Variants in OR51T1 observed in about 807,000 individuals in gnomAD.
OR51T1 encodes the protein olfactory receptor family 51 subfamily T member 1, also known as olfactory receptor 51T1.
For synonymous variants in OR51T1, 188 were observed against 152.6 expected (o/e 1.23, Z -1.71); for missense variants, 439 against 398.5 (o/e 1.10, Z -0.87).
chr11:4,882,322 G>A lies in OR51T1; in HGVS notation c.423G>A (p.Arg141=). The A allele has an allele frequency of 6.2e-7, 1 of 1,613,940 alleles. No homozygotes were observed. The highest frequency in any genetic ancestry group is 8.5e-7 in the Non-Finnish European group (1 of 1,179,948). Residue 141 remains arginine (R), a synonymous_variant, in exon 1 of 1, where the codon AGG becomes AGA. Coordinates refer to ENST00000322049, the MANE Select transcript of OR51T1 (RefSeq NM_001004759.3). ...PLNYATILTD[R]MVLVIGLVIC... ...ACTATGCTACTATCCTCACAGACAGGATGGTCCTGGTGATAGGGCTGGTCA... is the reference window on the plus strand; with the variant it reads ...ACTATGCTACTATCCTCACAGACAGAATGGTCCTGGTGATAGGGCTGGTCA...
Position 4,882,301 on chromosome 11 carries a change from T to A in OR51T1, c.402T>A (p.Tyr134Ter). ...RFVAICNPLN[Y>*]ATILTDRMVL... Reference sequence around the variant, plus strand: ...TGGCTATCTGTAACCCACTGAACTATGCTACTATCCTCACAGACAGGATGG... The same window carrying A: ...TGGCTATCTGTAACCCACTGAACTAAGCTACTATCCTCACAGACAGGATGG... Residue 134 changes from tyrosine (Y) to a stop codon, truncating the protein, a stop_gained, in exon 1 of 1, where the codon TAT becomes TAA. Transcript: ENST00000322049. LOFTEE classifies it low-confidence loss of function (END_TRUNC). The A allele has an allele frequency of 1.9e-6, 3 of 1,614,014 alleles. No homozygotes were observed. Among genetic ancestry groups the A allele is most frequent in the Non-Finnish European group, 2.5e-6 (3 of 1,179,958 alleles).
Position 4,882,852 on chromosome 11 carries a change from A to G in OR51T1, c.953A>G (p.Asn318Ser), listed in dbSNP as rs77300699. 2.0e-3 allele frequency: 3,292 copies of G among 1,613,580 alleles called. 7 individuals are homozygous for G. Among genetic ancestry groups the G allele is most frequent in the Non-Finnish European group, 2.6e-3 (3,123 of 1,179,732 alleles). ...LLQSKGSWGFNVRGLRGRWD is the reference protein window; with the variant it reads ...LLQSKGSWGFSVRGLRGRWD Reference sequence around the variant, plus strand: ...CAATCCAAGGGTTCATGGGGTTTTAATGTGAGGGGTCTTAGGGGAAGATGG... The same window carrying G: ...CAATCCAAGGGTTCATGGGGTTTTAGTGTGAGGGGTCTTAGGGGAAGATGG... The change falls in exon 1 of 1, where the codon AAT (asparagine) becomes AGT (serine). Residue 318 changes from asparagine (N) to serine (S), a missense_variant. Coordinates refer to ENST00000322049, the MANE Select transcript of OR51T1 (RefSeq NM_001004759.3).
Position 4,881,943 on chromosome 11 carries a change from T to A in OR51T1, c.44T>A (p.Leu15His). The A allele has an allele frequency of 6.2e-7, 1 of 1,613,888 alleles. No homozygotes were observed. The highest frequency in any genetic ancestry group is 8.5e-7 in the Non-Finnish European group (1 of 1,179,862). The change falls in exon 1 of 1, where the codon CTC (leucine) becomes CAC (histidine). Residue 15 changes from leucine (L) to histidine (H), a missense_variant. By Grantham distance (99) the Leu-to-His change is moderately conservative. Transcript: ENST00000322049. ...NNTTSSSSNFLLTAFPGLECA... is the reference protein window; with the variant it reads ...NNTTSSSSNFHLTAFPGLECA... ...ACCACTTCGTCTTCCTCAAACTTCC[T>A]CCTCACTGCATTCCCTGGGCTGGAA...
rs1298095558 is a variant in OR51T1 at position 4,882,327 on chromosome 11, T to G, written c.428T>G (p.Val143Gly). 1.9e-6 allele frequency: 3 copies of G among 1,613,962 alleles called. No individual in the cohort carries two copies. The highest frequency in any genetic ancestry group is 2.5e-6 in the Non-Finnish European group (3 of 1,179,950). The change falls in exon 1 of 1, where the codon GTC (valine) becomes GGC (glycine). Residue 143 changes from valine (V) to glycine (G), a missense_variant. Coordinates refer to ENST00000322049, the MANE Select transcript of OR51T1 (RefSeq NM_001004759.3). ...GCTACTATCCTCACAGACAGGATGGTCCTGGTGATAGGGCTGGTCATCTGC... is the reference window on the plus strand; with the variant it reads ...GCTACTATCCTCACAGACAGGATGGGCCTGGTGATAGGGCTGGTCATCTGC... ...NYATILTDRM[V>G]LVIGLVICIR...
In OR51T1 at chr11:4,882,245, G is replaced by C. The variant is rs1266648976; in HGVS notation, c.346G>C (p.Val116Leu). The C allele has an allele frequency of 3.7e-6, 6 of 1,613,896 alleles. No homozygotes were observed. The East Asian group carries it at 1.3e-4, about 36-fold the overall frequency. Reference sequence around the variant, plus strand: ...TGCTTTCTCCTTGCTGGAGTCCTCGGTGCTGGTAGCCATGGCCTTTGACCG... The same window carrying C: ...TGCTTTCTCCTTGCTGGAGTCCTCGCTGCTGGTAGCCATGGCCTTTGACCG... ...VHAFSLLESS[V>L]LVAMAFDRFV... Residue 116 changes from valine to leucine, a missense_variant, in exon 1 of 1, where the codon GTG becomes CTG. Val to Leu is a conservative substitution (Grantham distance 32). Coordinates refer to ENST00000322049, the MANE Select transcript of OR51T1 (RefSeq NM_001004759.3).
chr11:4,882,032 A>AC lies in OR51T1; in HGVS notation c.133_134insC (p.Ser45ThrfsTer10). 1 of 1,613,890 alleles carries AC rather than the reference A, an allele frequency of 6.2e-7. No individual in the cohort carries two copies. Among genetic ancestry groups the AC allele is most frequent in the Non-Finnish European group, 8.5e-7 (1 of 1,179,888 alleles). On this transcript the variant is annotated frameshift_variant, in exon 1 of 1. Transcript: ENST00000322049. LOFTEE classifies it low-confidence loss of function (END_TRUNC). ...CTACACCATTGCCCTCTTGGGAAACAGTATGATCTTTCTTGTCATCATTAC... is the reference window on the plus strand; with the variant it reads ...CTACACCATTGCCCTCTTGGGAAACACGTATGATCTTTCTTGTCATCATTAC...
rs766155270 is a variant in OR51T1, at chr11:4,882,501, G to T, written c.602G>T (p.Gly201Val). 3 of 1,613,676 alleles carry T rather than the reference G, an allele frequency of 1.9e-6. No individual in the cohort carries two copies. The highest frequency in any genetic ancestry group is 3.3e-5 in the Admixed American group (2 of 59,946). Residue 201 changes from glycine to valine, a missense_variant, in exon 1 of 1, where the codon GGA becomes GTA. Physicochemically the swap from Gly to Val is moderately radical, Grantham distance 109 (BLOSUM62 -3). Coordinates refer to ENST00000322049, the MANE Select transcript of OR51T1 (RefSeq NM_001004759.3). ...YSKPWISSFW[G>V]LFLQLYLNGT... ...AAACCTTGGATCAGCAGTTTTTGGG[G>T]ACTGTTTCTTCAGCTCTACCTGAAT...
Position 4,882,775 on chromosome 11 carries a change from C to G in OR51T1, c.876C>G (p.Ile292Met), listed in dbSNP as rs767652870. 10 of 1,613,788 alleles carry G rather than the reference C, an allele frequency of 6.2e-6. No individual in the cohort carries two copies. The highest frequency in any genetic ancestry group is 7.6e-6 in the Non-Finnish European group (9 of 1,179,892). Residue 292 changes from isoleucine to methionine, a missense_variant, in exon 1 of 1, where the codon ATC (isoleucine) becomes ATG (methionine). Transcript: ENST00000322049. Reference protein sequence around the residue: ...YLLLPPVLNPIIYSLKTKTIR... With the variant: ...YLLLPPVLNPMIYSLKTKTIR... ...TCTTACCACCTGTGCTGAACCCTAT[C>G]ATTTACAGCTTGAAGACCAAGACAA...
rs1224825920 is a variant in OR51T1, at chr11:4,881,992, T to C, written c.93T>C (p.Ile31=). The C allele has an allele frequency of 6.2e-7, 1 of 1,613,904 alleles. No homozygotes were observed. The part of the protein sequence containing the change: ...GLECAHVWIS[I]PVCCLYTIAL... ...AATGTGCTCATGTCTGGATCTCCAT[T>C]CCAGTCTGCTGTCTCTACACCATTG... Residue 31 remains isoleucine, a synonymous_variant, in exon 1 of 1, where the codon ATT becomes ATC. Coordinates refer to ENST00000322049, the MANE Select transcript of OR51T1 (RefSeq NM_001004759.3).
Position 4,882,832 on chromosome 11 carries a change from C to A in OR51T1, c.933C>A (p.Ser311=), listed in dbSNP as rs114936129. ...IRQAMFQLLQ[S]KGSWGFNVRG... ...AGGCTATGTTCCAGCTGCTCCAATC[C>A]AAGGGTTCATGGGGTTTTAATGTGA... The change falls in exon 1 of 1, where the codon TCC becomes TCA. Residue 311 remains serine (S), a synonymous_variant. Coordinates refer to ENST00000322049, the MANE Select transcript of OR51T1 (RefSeq NM_001004759.3). 2 of 1,613,602 alleles carry A rather than the reference C, an allele frequency of 1.2e-6. No homozygotes were observed. Among genetic ancestry groups the A allele is most frequent in the East Asian group, 4.5e-5 (2 of 44,846 alleles).
rs771879980 is a variant in OR51T1 at position 4,881,910 on chromosome 11, T to G, written c.11T>G (p.Phe4Cys). Residue 4 changes from phenylalanine to cysteine, a missense_variant, in exon 1 of 1, where the codon TTC becomes TGC. Transcript: ENST00000322049. MAIFNNTTSSSSNF... is the reference protein window; with the variant it reads MAICNNTTSSSSNF... ...TGTCTTCAACCAACCATGGCAATAT[T>G]CAATAACACCACTTCGTCTTCCTCA... 6.2e-7 allele frequency: 1 copy of G among 1,612,426 alleles called. No individual in the cohort carries two copies. Among genetic ancestry groups the G allele is most frequent in the Non-Finnish European group, 8.5e-7 (1 of 1,178,564 alleles).
In OR51T1 at chr11:4,882,863, C is replaced by T. The variant is rs1289089239; in HGVS notation, c.964C>T (p.Leu322Phe). 1 of 1,612,720 alleles carries T rather than the reference C, an allele frequency of 6.2e-7. No individual in the cohort carries two copies. Among genetic ancestry groups the T allele is most frequent in the Admixed American group, 1.7e-5 (1 of 59,902 alleles). Residue 322 changes from leucine to phenylalanine, a missense_variant, in exon 1 of 1, where the codon CTT (leucine) becomes TTT (phenylalanine). Leu to Phe is a conservative substitution (Grantham distance 22). Coordinates refer to ENST00000322049, the MANE Select transcript of OR51T1 (RefSeq NM_001004759.3). ...KGSWGFNVRGLRGRWD is the reference protein window; with the variant it reads ...KGSWGFNVRGFRGRWD ...TTCATGGGGTTTTAATGTGAGGGGTCTTAGGGGAAGATGGGATTGAAGGTA... is the reference window on the plus strand; with the variant it reads ...TTCATGGGGTTTTAATGTGAGGGGTTTTAGGGGAAGATGGGATTGAAGGTA...
chr11:4,882,742 T>C lies in OR51T1; in HGVS notation c.843T>C (p.Ile281=). Residue 281 remains isoleucine (I), a synonymous_variant, in exon 1 of 1, where the codon ATT becomes ATC. Transcript: ENST00000322049. ...TGCTCTGTAGCACTTTGGCCAATAT[T>C]TATCTGCTCTTACCACCTGTGCTGA... ...PRVLCSTLAN[I]YLLLPPVLNP... is the part of the protein sequence containing the mutation. The C allele has an allele frequency of 6.2e-7, 1 of 1,613,900 alleles. No homozygotes were observed. Among genetic ancestry groups the C allele is most frequent in the Non-Finnish European group, 8.5e-7 (1 of 1,179,908 alleles).
chr11:4,882,070 C>A lies in OR51T1; in HGVS notation c.171C>A (p.Leu57=), dbSNP rs761711404. ...TTGTCATCATTACTAAGCGGAGACTCCACAAACCCATGTATTATTTCCTCT... is the reference window on the plus strand; with the variant it reads ...TTGTCATCATTACTAAGCGGAGACTACACAAACCCATGTATTATTTCCTCT... The part of the protein sequence containing the change: ...IFLVIITKRR[L]HKPMYYFLSM... Residue 57 remains leucine (L), a synonymous_variant, in exon 1 of 1, where the codon CTC becomes CTA. Coordinates refer to ENST00000322049, the MANE Select transcript of OR51T1 (RefSeq NM_001004759.3). The A allele has an allele frequency of 1.9e-6, 3 of 1,613,808 alleles. No homozygotes were observed. The Admixed American group carries it at 5.0e-5, about 27-fold the overall frequency.
Position 4,881,935 on chromosome 11 carries a change from A to C in OR51T1, c.36A>C (p.Ser12=). Residue 12 remains serine (S), a synonymous_variant, in exon 1 of 1, where the codon TCA becomes TCC. Coordinates refer to ENST00000322049, the MANE Select transcript of OR51T1 (RefSeq NM_001004759.3). ...TCAATAACACCACTTCGTCTTCCTC[A>C]AACTTCCTCCTCACTGCATTCCCTG... ...AIFNNTTSSS[S]NFLLTAFPGL... The C allele has an allele frequency of 6.2e-7, 1 of 1,613,832 alleles. No individual in the cohort carries two copies.
At position 4,882,306 on chromosome 11, in the gene OR51T1, C is replaced by T; in HGVS notation, c.407C>T (p.Thr136Ile). The T allele has an allele frequency of 1.2e-6, 2 of 1,614,006 alleles. No homozygotes were observed. The highest frequency in any genetic ancestry group is 1.7e-4 in the Middle Eastern group (1 of 6,054). The change falls in exon 1 of 1, where the codon ACT becomes ATT. Residue 136 changes from threonine (T) to isoleucine (I), a missense_variant. Coordinates refer to ENST00000322049, the MANE Select transcript of OR51T1 (RefSeq NM_001004759.3). Reference protein sequence around the residue: ...VAICNPLNYATILTDRMVLVI... With the variant: ...VAICNPLNYAIILTDRMVLVI... ...ATCTGTAACCCACTGAACTATGCTA[C>T]TATCCTCACAGACAGGATGGTCCTG...
At position 4,882,610 on chromosome 11, in the gene OR51T1, A is replaced by G. The variant is rs1010853667; in HGVS notation, c.711A>G (p.Gln237=). The part of the protein sequence containing the change: ...VLGIVARKKQ[Q]KALSTCVCHI... ...GCATTGTGGCCCGAAAGAAGCAACA[A>G]AAAGCTCTCAGCACTTGTGTCTGTC... The change falls in exon 1 of 1, where the codon CAA becomes CAG. Residue 237 remains glutamine (Q), a synonymous_variant. Coordinates refer to ENST00000322049, the MANE Select transcript of OR51T1 (RefSeq NM_001004759.3). The G allele has an allele frequency of 1.2e-6, 2 of 1,613,956 alleles. No homozygotes were observed. The highest frequency in any genetic ancestry group is 1.7e-6 in the Non-Finnish European group (2 of 1,179,938).
chr11:4,882,213 T>C lies in OR51T1; in HGVS notation c.314T>C (p.Phe105Ser), dbSNP rs1251898873. The change falls in exon 1 of 1, where the codon TTT becomes TCT. Residue 105 changes from phenylalanine to serine, a missense_variant. Physicochemically the swap from Phe to Ser is radical, Grantham distance 155. Transcript: ENST00000322049. ...SFKACFIQMF[F>S]VHAFSLLESS... ...AAAGCTTGCTTCATTCAAATGTTCT[T>C]TGTGCATGCTTTCTCCTTGCTGGAG... 6.2e-7 allele frequency: 1 copy of C among 1,614,002 alleles called. No individual in the cohort carries two copies. The highest frequency in any genetic ancestry group is 1.7e-5 in the Admixed American group (1 of 59,978).
rs763771507 is a variant in OR51T1 at position 4,882,776 on chromosome 11, A to G, written c.877A>G (p.Ile293Val). The change falls in exon 1 of 1, where the codon ATT (isoleucine) becomes GTT (valine). Residue 293 changes from isoleucine to valine, a missense_variant. Physicochemically the swap from Ile to Val is conservative, Grantham distance 29. Coordinates refer to ENST00000322049, the MANE Select transcript of OR51T1 (RefSeq NM_001004759.3). ...LLLPPVLNPI[I>V]YSLKTKTIRQ... ...CTTACCACCTGTGCTGAACCCTATC[A>G]TTTACAGCTTGAAGACCAAGACAAT... 1 of 1,613,804 alleles carries G rather than the reference A, an allele frequency of 6.2e-7. No individual in the cohort carries two copies. Among genetic ancestry groups the G allele is most frequent in the Non-Finnish European group, 8.5e-7 (1 of 1,179,848 alleles).
Sources: allele counts gnomAD v4.1 joint callset, GRCh38; gene constraint gnomAD v4.1.1; transcripts MANE v1.5; gene names NCBI Gene and HGNC (gene_info 2026-07-23, HGNC 2026-07-21).